PCDHGB1: variants seen among roughly 807,000 people sequenced by gnomAD.
PCDHGB1 encodes protocadherin gamma-B1.
Under a neutral mutation model 56.6 loss-of-function variants are expected in PCDHGB1, and 34 were observed. That is an observed-to-expected ratio of 0.60 (90% CI 0.46 to 0.80). The LOEUF (loss-of-function observed/expected upper bound fraction) is 0.80, where lower values mean the gene tolerates loss of function less well. PCDHGB1 is among the 30% of genes least tolerant of loss of function. PCDHGB1 has a pLI of 0.00. For missense variants in PCDHGB1, 1,278 were observed against 1,204.6 expected, an observed-to-expected ratio of 1.06 and a Z score of -0.90; for synonymous variants, 561 against 505.9, an observed-to-expected ratio of 1.11 and a Z score of -1.46.
intron 1 of PCDHGB1, among the ~76,000 whole-genome samples, chr5:141,457,620 A>G (rs2098925834): frequency 6.6e-6 from 1 of 152,234 alleles, no homozygotes; most frequent in Admixed American, 6.5e-5. Flanking sequence ...ATGAACTTTA[A>G]TCTTATACTT....
At chr5:141,417,626 T>A (rs1156653216) in intron 1 of PCDHGB1, 3 of 689,458 alleles carry the variant, frequency 4.4e-6, no homozygotes, top group Non-Finnish European at 6.8e-6. Context: ...GAGCAAGCGC[T>A]GACGCCGGGG....
At chr5:141,403,430 C>A in intron 1 of PCDHGB1, 1 of 1,614,022 alleles carries the variant, frequency 6.2e-7, no homozygotes, top group Non-Finnish European at 8.5e-7. Flanking sequence ...AGCTATTGAT[C>A]CGGATGTTGG....
intron 1 of PCDHGB1, chr5:141,419,596 G>T: frequency 6.2e-7 from 1 of 1,611,682 alleles, no homozygotes; most frequent in Non-Finnish European, 8.5e-7. Flanking sequence ...ACACAGTGCC[G>T]CGGGCCGCGC....
At chr5:141,427,914 A>C in intron 1 of PCDHGB1, 1 of 1,576,800 alleles carries the variant, frequency 6.3e-7, no homozygotes, top group Non-Finnish European at 8.7e-7. Flanking sequence ...CAGCGCCAAC[A>C]TGAGCCGGCG....
chr5:141,450,183 A>G (rs1461369835), intron 1 of PCDHGB1, among the ~76,000 whole-genome samples: 1 of 151,558 alleles, frequency 6.6e-6, no homozygotes, highest in Non-Finnish European at 1.5e-5. Context: ...ACACCCAGCT[A>G]ATTTTTGTAT....
chr5:141,361,015 T>C (rs374836690), intron 1 of PCDHGB1: 72 of 1,613,142 alleles, frequency 4.5e-5, no homozygotes, highest in Non-Finnish European at 6.0e-5. Flanking sequence ...CTTTTTCAAC[T>C]TAAATGAAAA....
In PCDHGB1 at chr5:141,439,231, T is replaced by C. The variant is rs545867747; in HGVS notation, c.2410-55576T>C. 2.0e-5 allele frequency among the ~76,000 whole-genome samples: 3 copies of C among 151,650 alleles called. No individual in the cohort carries two copies. In the East Asian group the frequency reaches 5.8e-4, roughly 29 times the overall value. On this transcript the variant is annotated intron_variant, in intron 1 of 3. Coordinates refer to ENST00000523390, the MANE Select transcript of PCDHGB1 (RefSeq NM_018922.3). ...TCCATATGTGAAAATTCTTAGAAGC[T>C]TCCTATACAATTTCAGCTGAAGATT...
intron 1 of PCDHGB1, chr5:141,422,216 C>T (rs1241784107): frequency 6.4e-7 from 1 of 1,563,862 alleles, no homozygotes; most frequent in African/African-American, 1.4e-5. Flanking sequence ...GGTCTCTTTA[C>T]CACCACGACG....
At chr5:141,433,422 A>G (rs1172678396) in intron 1 of PCDHGB1, among the ~76,000 whole-genome samples, 1 of 150,646 alleles carries the variant, frequency 6.6e-6, no homozygotes, top group Admixed American at 6.6e-5. Context: ...TCTTGTACAG[A>G]CAGGAGTCTC....
At position 141,450,007 on chromosome 5, in the gene PCDHGB1, T is replaced by TA. The variant is rs57702245; in HGVS notation, c.2410-44800_2410-44799insA. Among the ~76,000 whole-genome samples the TA allele has an allele frequency of 5.9e-4, 19 of 31,956 alleles. No homozygotes were observed. In the African/African-American group the frequency reaches 7.8e-3, roughly 13 times the overall value. 21.0% of individuals were successfully genotyped at this position (31,956 alleles called of 152,430 possible). A position where few individuals can be genotyped will look rare whatever the true frequency, so the allele number is the denominator to read the frequency against. On this transcript the variant is annotated intron_variant, in intron 1 of 3. Coordinates refer to ENST00000523390, the MANE Select transcript of PCDHGB1 (RefSeq NM_018922.3). Reference sequence around the variant, plus strand: ...ACATTGCATTTAGTTGCCATGTCTCTTTTTTTTTTTTTTTTTTGAGACAGG... The same window carrying TA: ...ACATTGCATTTAGTTGCCATGTCTCTATTTTTTTTTTTTTTTTTGAGACAGG...
At chr5:141,418,955 G>C in intron 1 of PCDHGB1, 4 of 1,614,050 alleles carry the variant, frequency 2.5e-6, no homozygotes, top group Non-Finnish European at 3.4e-6. Flanking sequence ...AGGAGTGGTT[G>C]TTGCCCTCTT....
chr5:141,385,962 A>G (rs997092778), intron 1 of PCDHGB1: 1 of 152,264 alleles, frequency 6.6e-6, no homozygotes, highest in Admixed American at 6.5e-5. Context: ...ACTAAAGGCC[A>G]TCGGACAAAA....
chr5:141,478,381 C>A (rs931860600), intron 1 of PCDHGB1: 1 of 1,613,664 alleles, frequency 6.2e-7, no homozygotes, highest in Admixed American at 1.7e-5. Flanking sequence ...TGTCGCCGCA[C>A]CTTTACCATC....
chr5:141,431,582 G>A lies in PCDHGB1; in HGVS notation c.2410-63225G>A. On this transcript the variant is annotated intron_variant, in intron 1 of 3. Coordinates refer to ENST00000523390, the MANE Select transcript of PCDHGB1 (RefSeq NM_018922.3). The surrounding 1 kb of genome is among the most constrained non-coding windows in gnomAD (Gnocchi z 4.8). Reference sequence around the variant, plus strand: ...TACCGACCCTGACGAAGGAGTCAATGCGGAAGTGAGGTATTCCTTCCGGTA... The same window carrying A: ...TACCGACCCTGACGAAGGAGTCAATACGGAAGTGAGGTATTCCTTCCGGTA... The A allele has an allele frequency of 6.2e-7, 1 of 1,614,210 alleles. No homozygotes were observed. Among genetic ancestry groups the A allele is most frequent in the Non-Finnish European group, 8.5e-7 (1 of 1,180,036 alleles).
At chr5:141,365,903 T>C (rs776227569) in intron 1 of PCDHGB1, 1 of 1,614,140 alleles carries the variant, frequency 6.2e-7, no homozygotes, top group Non-Finnish European at 8.5e-7. Context: ...CTATGAGCAG[T>C]TGAGAGACCT....
At chr5:141,387,629 G>T (rs1361387129) in intron 1 of PCDHGB1, 7 of 579,598 alleles carry the variant, frequency 1.2e-5, no homozygotes, top group African/African-American at 3.7e-5. Context: ...CTGACTCTGG[G>T]CGCCGCTGTT....
chr5:141,409,706 T>A, intron 1 of PCDHGB1: 1 of 1,613,210 alleles, frequency 6.2e-7, no homozygotes, highest in Non-Finnish European at 8.5e-7. Context: ...CCTGGCGGTG[T>A]CGTCATACGT....
At chr5:141,388,735 C>T (rs758511912) in intron 1 of PCDHGB1, 9 of 1,613,974 alleles carry the variant, frequency 5.6e-6, no homozygotes, top group Non-Finnish European at 7.6e-6. Context: ...TTCAGTGAAG[C>T]TAGCCAGATC....
At chr5:141,430,581 C>A in intron 1 of PCDHGB1, 1 of 483,436 alleles carries the variant, frequency 2.1e-6, no homozygotes, top group Non-Finnish European at 3.4e-6. Context: ...GGAGATCCTG[C>A]TCGCCTTGCA....
Sources: gnomAD v4.1 joint callset for allele counts (sites outside exome capture counted in the v4.1 genomes callset) on GRCh38, gnomAD v4.1.1 for gene constraint, Gnocchi (gnomAD v3.1) non-coding constraint, MANE v1.5 for transcripts, NCBI Gene and HGNC (gene_info 2026-07-23, HGNC 2026-07-21) for gene names.